EPHA6: variants seen among roughly 807,000 people sequenced by gnomAD.
The protein encoded by EPHA6 is EPH receptor A6, also known as ephrin type-A receptor 6.
EPHA6 carries 50 observed loss-of-function variants against 112.0 expected under a neutral mutation model. The observed-to-expected ratio is 0.45, with a 90% CI of 0.36 to 0.56. The LOEUF is 0.56. Among genes scored for constraint, EPHA6 ranks in the 20% least tolerant of loss-of-function variants. The pLI, the probability that EPHA6 is intolerant of heterozygous loss-of-function variation, is 0.00. For missense variants in EPHA6, 1,280 were observed against 1,417.4 expected (o/e 0.90, Z 1.56); for synonymous variants, 529 against 490.7 (o/e 1.08, Z -1.03).
chr3:97,001,316 G>C (rs543751832), intron 3 of EPHA6, among the ~76,000 whole-genome samples: 2 of 151,758 alleles, frequency 1.3e-5, no homozygotes, highest in South Asian at 4.2e-4. Context: ...AAGATATCTT[G>C]TTGTCTCTTG....
intron 3 of EPHA6, among the ~76,000 whole-genome samples, chr3:97,013,855 A>G (rs188938226): frequency 6.6e-6 from 1 of 152,230 alleles, no homozygotes; most frequent in Admixed American, 6.5e-5. Flanking sequence ...ATGTTTTTGC[A>G]TAGGAGTTTT....
At chr3:97,418,637 A>T (rs2088334343) in intron 6 of EPHA6, among the ~76,000 whole-genome samples, 1 of 152,164 alleles carries the variant, frequency 6.6e-6, no homozygotes, top group East Asian at 1.9e-4. Flanking sequence ...GAGATAAACA[A>T]AAAGAGGGAG....
At chr3:96,875,686 T>G (rs1175734239) in intron 2 of EPHA6, among the ~76,000 whole-genome samples, 3 of 152,036 alleles carry the variant, frequency 2.0e-5, no homozygotes, top group Non-Finnish European at 4.4e-5. Context: ...CTTTAATGAA[T>G]AGCCATGATG....
chr3:96,893,489 C>G (rs1403966625), intron 2 of EPHA6, among the ~76,000 whole-genome samples: 1 of 152,148 alleles, frequency 6.6e-6, no homozygotes, highest in East Asian at 1.9e-4. Flanking sequence ...AGTGACCAAC[C>G]TGGAAACAAA....
At chr3:97,307,483 T>C (rs2081367702) in intron 5 of EPHA6, among the ~76,000 whole-genome samples, 1 of 151,732 alleles carries the variant, frequency 6.6e-6, no homozygotes, top group Non-Finnish European at 1.5e-5. Context: ...AGATTCCCCA[T>C]CAGAATATAA....
At chr3:97,354,077 G>A (rs1417868116) in intron 5 of EPHA6, among the ~76,000 whole-genome samples, 1 of 152,096 alleles carries the variant, frequency 6.6e-6, no homozygotes, top group African/African-American at 2.4e-5. Context: ...CTAGGCTAGG[G>A]GTGACCCCTA....
At chr3:97,233,389 GAAGATCAGAAA>G (rs2078589126) in intron 4 of EPHA6, among the ~76,000 whole-genome samples, 1 of 151,316 alleles carries the variant, frequency 6.6e-6, no homozygotes, top group Non-Finnish European at 1.5e-5. Context: ...TGTTGGGGAA[GAAGATCAGAAA>G]AATGACAAGT....
intron 15 of EPHA6, among the ~76,000 whole-genome samples, chr3:97,729,523 C>T (rs953851953): frequency 2.0e-5 from 3 of 152,050 alleles, no homozygotes; most frequent in Non-Finnish European, 2.9e-5. Context: ...GAGAACAGCA[C>T]GGGAAAGACA....
At chr3:97,292,236 C>T (rs574999689) in intron 5 of EPHA6, among the ~76,000 whole-genome samples, 71 of 152,358 alleles carry the variant, frequency 4.7e-4, no homozygotes, top group South Asian at 1.2e-3. Context: ...GGTGTTACGG[C>T]GTGTCAGAGC....
intron 5 of EPHA6, among the ~76,000 whole-genome samples, chr3:97,339,708 C>T (rs1054043469): frequency 2.0e-5 from 3 of 152,098 alleles, no homozygotes; most frequent in African/African-American, 4.8e-5. Context: ...TATATTGGTA[C>T]GAGCCTAGGC....
At chr3:97,054,007 AAC>A (rs1312110954) in intron 3 of EPHA6, among the ~76,000 whole-genome samples, 1 of 152,064 alleles carries the variant, frequency 6.6e-6, no homozygotes, top group Non-Finnish European at 1.5e-5. Flanking sequence ...TTTCTGTTAT[AAC>A]ACAGTGTCCA....
At chr3:97,719,095 C>A (rs2034391207) in intron 14 of EPHA6, among the ~76,000 whole-genome samples, 1 of 122,646 alleles carries the variant, frequency 8.2e-6, no homozygotes, top group Non-Finnish European at 1.7e-5. Flanking sequence ...CCCACCCCCC[C>A]CCCCACCCCC....
At chr3:97,439,574 T>C (rs2090030216) in intron 6 of EPHA6, 1 of 990,680 alleles carries the variant, frequency 1.0e-6, no homozygotes, top group Non-Finnish European at 1.2e-6. Flanking sequence ...CAGCTGCCAC[T>C]ACTATTTAAT....
At chr3:97,193,588 AT>A (rs1438189232) in intron 3 of EPHA6, among the ~76,000 whole-genome samples, 1 of 150,164 alleles carries the variant, frequency 6.7e-6, no homozygotes, top group Non-Finnish European at 1.5e-5. Context: ...GCAAACAAGG[AT>A]AACTTGATTT....
rs1460664042 is a variant in EPHA6 at position 97,555,510 on chromosome 3, C to T, written c.2386+22967C>T. On this transcript the variant is annotated intron_variant, in intron 11 of 17. Transcript: ENST00000389672. ...GATCCCTGAGGAATCGCCACACTGACTTCCACAATGGTTGAACTAGTTTAC... is the reference window on the plus strand; with the variant it reads ...GATCCCTGAGGAATCGCCACACTGATTTCCACAATGGTTGAACTAGTTTAC... Among the ~76,000 whole-genome samples, 6 of 152,272 alleles carry T rather than the reference C, an allele frequency of 3.9e-5. No individual in the cohort carries two copies. The East Asian group carries it at 5.8e-4, about 15-fold the overall frequency.
chr3:97,666,168 T>A (rs767887387), intron 14 of EPHA6, among the ~76,000 whole-genome samples: 2 of 152,200 alleles, frequency 1.3e-5, no homozygotes, highest in Non-Finnish European at 2.9e-5. Context: ...TGTTTCCGAT[T>A]CTGTTTCCAG....
intron 10 of EPHA6, among the ~76,000 whole-genome samples, chr3:97,497,804 ACT>A (rs1354172534): frequency 6.6e-6 from 1 of 151,614 alleles, no homozygotes; most frequent in African/African-American, 2.4e-5. Context: ...AATGCATCAG[ACT>A]CTCAGAAAAA....
chr3:97,111,301 G>A (rs1500705), intron 3 of EPHA6, among the ~76,000 whole-genome samples: 47,229 of 151,994 alleles, frequency 0.31, 12,983 homozygotes, highest in African/African-American at 0.73. Context: ...TTGAGTTTTT[G>A]AGATCTATTA....
At chr3:97,643,762 A>G (rs2094031619) in intron 14 of EPHA6, among the ~76,000 whole-genome samples, 2 of 151,692 alleles carry the variant, frequency 1.3e-5, no homozygotes, top group African/African-American at 2.4e-5. Context: ...TATGCACCCA[A>G]TACAGGAGCA....
Sources: allele counts gnomAD v4.1 joint callset (sites outside exome capture counted in the v4.1 genomes callset), GRCh38; gene constraint gnomAD v4.1.1; transcripts MANE v1.5; gene names NCBI Gene and HGNC (gene_info 2026-07-23, HGNC 2026-07-21).